Variants in CHL1 observed in about 807,000 individuals in gnomAD.
CHL1 encodes the protein neural cell adhesion molecule L1-like protein.
A neutral mutation model predicts 141.9 loss-of-function variants in CHL1; 96 were observed. The observed-to-expected ratio is 0.68, with a 90% CI of 0.57 to 0.80. The LOEUF is 0.80. CHL1 is among the 30% of genes least tolerant of loss of function. CHL1 has a pLI of 0.00. For synonymous variants in CHL1, 613 were observed against 502.2 expected (o/e 1.22, Z -2.95); for missense variants, 1,820 against 1,457.2 (o/e 1.25, Z -4.05).
At position 326,141 on chromosome 3, in the gene CHL1, A is replaced by C. The variant is rs2125068566; in HGVS notation, c.197+77A>C. ...GCTGCTCTTTACTCTTACCATCACA[A>C]GCCTGTTGGACTATGAATCCACGCA... On this transcript the variant is annotated intron_variant, in intron 4 of 27. Coordinates refer to ENST00000256509, the MANE Select transcript of CHL1 (RefSeq NM_006614.4). 4 of 844,862 alleles carry C rather than the reference A, an allele frequency of 4.7e-6. No individual in the cohort carries two copies. In the East Asian group the frequency reaches 1.1e-4, roughly 23 times the overall value. The allele number at this position is 844,862 out of a possible 1,614,324, so 52.3% of individuals were successfully genotyped here.
At chr3:296,203 A>G (rs1698173582) in intron 2 of CHL1, among the ~76,000 whole-genome samples, 1 of 152,126 alleles carries the variant, frequency 6.6e-6, no homozygotes, top group East Asian at 1.9e-4. Context: ...TTTCCTCTAC[A>G]TTGGTGATTA....
At chr3:299,086 T>G (rs1471258351) in intron 2 of CHL1, among the ~76,000 whole-genome samples, 2 of 152,198 alleles carry the variant, frequency 1.3e-5, no homozygotes. Flanking sequence ...TAACCTCCCA[T>G]GTGCCAGACA....
At chr3:379,342 C>T (rs1429944454) in intron 16 of CHL1, among the ~76,000 whole-genome samples, 1 of 152,110 alleles carries the variant, frequency 6.6e-6, no homozygotes, top group Non-Finnish European at 1.5e-5. Context: ...GTTGTCGAGT[C>T]GGCTCAGTAG....
intron 1 of CHL1, among the ~76,000 whole-genome samples, chr3:198,287 C>G (rs935539038): frequency 8.5e-5 from 13 of 152,106 alleles, no homozygotes; most frequent in Non-Finnish European, 1.3e-4. Context: ...CAGTCCCGCT[C>G]GTGGGAGCCG....
At chr3:237,143 GT>G (rs1478944668) in intron 1 of CHL1, among the ~76,000 whole-genome samples, 2 of 152,216 alleles carry the variant, frequency 1.3e-5, no homozygotes, top group Non-Finnish European at 2.9e-5. Flanking sequence ...ATCCCCATGT[GT>G]TGGGGGAAGG....
At chr3:265,525 A>G (rs1362586668) in intron 2 of CHL1, among the ~76,000 whole-genome samples, 1 of 152,212 alleles carries the variant, frequency 6.6e-6, no homozygotes, top group Non-Finnish European at 1.5e-5. Context: ...AATGCACTAA[A>G]TTTCTGAGCT....
intron 2 of CHL1, chr3:248,386 A>C (rs1450814569): frequency 6.6e-6 from 1 of 152,124 alleles, no homozygotes; most frequent in African/African-American, 2.4e-5. Context: ...TGAGCACTAT[A>C]TGAAGAATTA....
intron 2 of CHL1, chr3:246,625 G>A (rs1000118926): frequency 6.6e-6 from 1 of 151,916 alleles, no homozygotes. Flanking sequence ...ATTTTAAAAC[G>A]ATGGAGTAAA....
At chr3:311,993 C>G (rs563287160) in intron 2 of CHL1, among the ~76,000 whole-genome samples, 1 of 152,062 alleles carries the variant, frequency 6.6e-6, no homozygotes, top group Admixed American at 6.5e-5. Flanking sequence ...GATGTCATTA[C>G]AGTATACTAT....
intron 1 of CHL1, among the ~76,000 whole-genome samples, chr3:231,756 T>C (rs1212142832): frequency 5.3e-5 from 8 of 151,968 alleles, no homozygotes; most frequent in Admixed American, 5.2e-4. Flanking sequence ...TTTGTATTTT[T>C]AGTAGAGACG....
chr3:348,613 A>G (rs955427798), intron 9 of CHL1, among the ~76,000 whole-genome samples: 1 of 152,194 alleles, frequency 6.6e-6, no homozygotes, highest in Non-Finnish European at 1.5e-5. Context: ...GGGGAAAGTT[A>G]TCATGCTGGT....
chr3:337,207 T>TTTTC (rs1701944087), intron 5 of CHL1, among the ~76,000 whole-genome samples: 1 of 141,432 alleles, frequency 7.1e-6, no homozygotes, highest in African/African-American at 2.7e-5. Flanking sequence ...TTTTTTTTTT[T>TTTTC]TGAGACGGGG....
intron 1 of CHL1, among the ~76,000 whole-genome samples, chr3:217,976 A>T (rs2124953116): frequency 6.6e-6 from 1 of 152,320 alleles, no homozygotes; most frequent in Non-Finnish European, 1.5e-5. Flanking sequence ...TTTATGAGCA[A>T]GGCTGTTTTA....
chr3:198,315 C>T (rs1266401551), intron 1 of CHL1, among the ~76,000 whole-genome samples: 1 of 151,984 alleles, frequency 6.6e-6, no homozygotes, highest in Non-Finnish European at 1.5e-5. Flanking sequence ...GCCCCAGGGC[C>T]GGCGAGCGGC....
At chr3:340,669 C>T in intron 5 of CHL1, 125 bp from the exon 6 acceptor site, 3 of 754,894 alleles carry the variant, frequency 4.0e-6, no homozygotes, top group Middle Eastern at 3.8e-4. Flanking sequence ...ATGTAAGAAC[C>T]AGGATCTGTA....
intron 2 of CHL1, among the ~76,000 whole-genome samples, chr3:304,336 C>T (rs1434596184): frequency 1.3e-5 from 2 of 152,084 alleles, no homozygotes; most frequent in African/African-American, 4.8e-5. Context: ...TTCTTTGTAC[C>T]TCTGGTAGAA....
chr3:388,227 G>T (rs567391435), intron 19 of CHL1, among the ~76,000 whole-genome samples: 180 of 152,224 alleles, frequency 1.2e-3, no homozygotes, highest in African/African-American at 3.8e-3. Context: ...AAACTAAAGT[G>T]GAAATAAACA....
chr3:322,154 A>G (rs1700610971), intron 3 of CHL1, among the ~76,000 whole-genome samples: 1 of 152,122 alleles, frequency 6.6e-6, no homozygotes, highest in Non-Finnish European at 1.5e-5. Context: ...CAGAAATAGT[A>G]GTAGTCAGAA....
rs1703067260 is a variant in CHL1 at position 349,543 on chromosome 3, G to A, written c.1033G>A (p.Glu345Lys). The part of the protein sequence containing the change: ...ATHDFHVIVE[E>K]PPRWTKKPQS... ...TCACGATTTTCACGTTATAGTAGAA[G>A]GTACCTTTCCCATGTTGGTCTATTT... is the stretch of plus-strand genomic sequence containing the variant. Residue 345 changes from glutamate to lysine, a missense_variant and splice_region_variant, in exon 10 of 28, where the codon GAG becomes AAG. Transcript: ENST00000256509. 1.9e-6 allele frequency: 3 copies of A among 1,610,386 alleles called. No homozygotes were observed. The highest frequency in any genetic ancestry group is 2.5e-6 in the Non-Finnish European group (3 of 1,178,512).
Sources: allele counts gnomAD v4.1 joint callset (sites outside exome capture counted in the v4.1 genomes callset), GRCh38; gene constraint gnomAD v4.1.1; transcripts MANE v1.5; gene names NCBI Gene and HGNC (gene_info 2026-07-23, HGNC 2026-07-21).